Variants in SRRM4 observed in about 807,000 individuals in gnomAD.
SRRM4 encodes serine/arginine repetitive matrix 4, also known as serine/arginine repetitive matrix protein 4.
A neutral mutation model predicts 68.9 loss-of-function variants in SRRM4; 33 were observed. That is an observed-to-expected ratio of 0.48 (90% CI 0.36 to 0.64). The LOEUF is 0.64. SRRM4 is among the 30% of genes least tolerant of loss of function. SRRM4 has a pLI of 0.00. For missense variants in SRRM4, 817 were observed against 827.1 expected (o/e 0.99, Z 0.15); for synonymous variants, 318 against 318.8 (o/e 1.00, Z 0.03).
chr12:119,070,820 T>C (rs1953873581), intron 1 of SRRM4, among the ~76,000 whole-genome samples: 1 of 152,152 alleles, frequency 6.6e-6, no homozygotes, highest in African/African-American at 2.4e-5. Context: ...CCCTGACACC[T>C]GGAATGAAAA....
At chr12:119,140,793 A>G (rs1430104874) in intron 8 of SRRM4, among the ~76,000 whole-genome samples, 1 of 152,240 alleles carries the variant, frequency 6.6e-6, no homozygotes, top group Non-Finnish European at 1.5e-5. Context: ...GCTTTCTCCC[A>G]GGGTCCTCGG....
intron 1 of SRRM4, among the ~76,000 whole-genome samples, chr12:119,024,468 G>T (rs78675396): frequency 1.3e-5 from 2 of 152,172 alleles, no homozygotes; most frequent in African/African-American, 4.8e-5. Flanking sequence ...AAGCCCCCTC[G>T]GCTGGGCCCC....
intron 10 of SRRM4, 102 bp downstream of exon 10, chr12:119,151,322 T>C: frequency 1.8e-6 from 2 of 1,133,334 alleles, no homozygotes; most frequent in Non-Finnish European, 2.6e-6. Context: ...TCAGACGGAC[T>C]TAGGTTTGAA....
At position 119,150,928 on chromosome 12, in the gene SRRM4, A is replaced by G. The variant is rs902039376; in HGVS notation, c.1077-89A>G. 1.7e-4 allele frequency: 216 copies of G among 1,268,180 alleles called. 1 individual carries two copies. The highest frequency in any genetic ancestry group is 2.1e-4 in the Middle Eastern group (1 of 4,732). The allele number at this position is 1,268,180 out of a possible 1,614,324, so 78.6% of individuals were successfully genotyped here. A position where few individuals can be genotyped will look rare whatever the true frequency, so the allele number is the denominator to read the frequency against. ...GCAAAGAGGGTTCTATGAGAGCACC[A>G]CAGCCTAGGCCAAGGTAGGGAGGTA... On this transcript the variant is annotated intron_variant, in intron 9 of 12. Coordinates refer to ENST00000267260, the MANE Select transcript of SRRM4 (RefSeq NM_194286.4).
chr12:119,106,184 C>G (rs1205664802), intron 2 of SRRM4, among the ~76,000 whole-genome samples: 17 of 152,134 alleles, frequency 1.1e-4, no homozygotes, highest in Non-Finnish European at 2.2e-4. Context: ...GTTTTGGTAC[C>G]AGTACCATGC....
chr12:119,141,291 T>A (rs1954363894), intron 8 of SRRM4, among the ~76,000 whole-genome samples: 1 of 152,196 alleles, frequency 6.6e-6, no homozygotes, highest in Admixed American at 6.5e-5. Context: ...AAGATAAATG[T>A]TTAAGGTGAT....
At chr12:118,999,667 C>A (rs567649358) in intron 1 of SRRM4, among the ~76,000 whole-genome samples, 1 of 152,080 alleles carries the variant, frequency 6.6e-6, no homozygotes, top group African/African-American at 2.4e-5. Context: ...CTTATTAAAG[C>A]CTTATAATGC....
chr12:119,057,688 T>A (rs1487642687), intron 1 of SRRM4, among the ~76,000 whole-genome samples: 1 of 152,214 alleles, frequency 6.6e-6, no homozygotes, highest in Non-Finnish European at 1.5e-5. Flanking sequence ...CAGAATGATT[T>A]ATACTCCTTT....
At chr12:119,027,734 C>G (rs2136004591) in intron 1 of SRRM4, among the ~76,000 whole-genome samples, 1 of 152,248 alleles carries the variant, frequency 6.6e-6, no homozygotes, top group African/African-American at 2.4e-5. Flanking sequence ...CAACAAACAA[C>G]AGAGTATTTA....
chr12:119,119,433 A>G (rs1393591960), intron 4 of SRRM4, among the ~76,000 whole-genome samples: 3 of 151,540 alleles, frequency 2.0e-5, no homozygotes, highest in Non-Finnish European at 4.4e-5. Flanking sequence ...ATAAGCTCAG[A>G]GGCTCACCCA....
Position 119,154,754 on chromosome 12 carries a change from C to A in SRRM4, c.1532+371C>A, listed in dbSNP as rs2136070547. On this transcript the variant is annotated intron_variant, in intron 12 of 12. Coordinates refer to ENST00000267260, the MANE Select transcript of SRRM4 (RefSeq NM_194286.4). This position sits in a 1 kb window ranked among gnomAD's most constrained non-coding sequence, Gnocchi z 4.7. ...GGGAATGGAGGCCAAAGCAATGGAG[C>A]AGGACCTTGGCCTGGTGGTGGATCC... 6.6e-6 allele frequency among the ~76,000 whole-genome samples: 1 copy of A among 152,292 alleles called. No homozygotes were observed. The highest frequency in any genetic ancestry group is 1.5e-5 in the Non-Finnish European group (1 of 68,024).
chr12:119,055,462 T>C (rs1953770848), intron 1 of SRRM4, among the ~76,000 whole-genome samples: 1 of 152,218 alleles, frequency 6.6e-6, no homozygotes, highest in African/African-American at 2.4e-5. Flanking sequence ...AAGTGGCAAG[T>C]ACCACTCTCA....
chr12:119,123,421 T>C (rs1187019875), intron 6 of SRRM4, among the ~76,000 whole-genome samples: 5 of 152,022 alleles, frequency 3.3e-5, no homozygotes, highest in Non-Finnish European at 7.4e-5. Context: ...CCCAGCAATC[T>C]CGGTGTCACT....
At chr12:119,148,609 C>G (rs1400003481) in intron 9 of SRRM4, among the ~76,000 whole-genome samples, 1 of 152,202 alleles carries the variant, frequency 6.6e-6, no homozygotes, top group Non-Finnish European at 1.5e-5. Context: ...TATTTGTAAC[C>G]CTTTTTTACC....
At chr12:119,012,586 A>G (rs1396774125) in intron 1 of SRRM4, among the ~76,000 whole-genome samples, 1 of 152,002 alleles carries the variant, frequency 6.6e-6, no homozygotes, top group Non-Finnish European at 1.5e-5. Context: ...TTCTCAACTA[A>G]CAGACTCCCC....
At chr12:119,089,176 G>T (rs985268791) in intron 1 of SRRM4, among the ~76,000 whole-genome samples, 1 of 152,118 alleles carries the variant, frequency 6.6e-6, no homozygotes, top group South Asian at 2.1e-4. Flanking sequence ...CCATGTGGTC[G>T]GGAGGGTGCT....
At chr12:119,090,943 GC>G (rs747234764) in intron 1 of SRRM4, among the ~76,000 whole-genome samples, 2 of 152,224 alleles carry the variant, frequency 1.3e-5, no homozygotes, top group African/African-American at 2.4e-5. Context: ...TCCCACTGAA[GC>G]CCTTTATCTC....
At chr12:119,091,896 C>T (rs1954016488) in intron 1 of SRRM4, among the ~76,000 whole-genome samples, 1 of 152,194 alleles carries the variant, frequency 6.6e-6, no homozygotes, top group Non-Finnish European at 1.5e-5. Flanking sequence ...CCTGCTGCAT[C>T]CCTTCCTCTG....
Position 119,142,365 on chromosome 12 carries a change from G to A in SRRM4, c.772-3016G>A, listed in dbSNP as rs111533404. ...AGATTTCTCAGTTCTGACCACACAA[G>A]TTACATGTGGATAAGTCAGAGCCAG... On this transcript the variant is annotated intron_variant, in intron 8 of 12. Coordinates refer to ENST00000267260, the MANE Select transcript of SRRM4 (RefSeq NM_194286.4). Among the ~76,000 whole-genome samples, 1,090 of 152,324 alleles carry A rather than the reference G, an allele frequency of 7.2e-3. 10 individuals are homozygous for A. The highest frequency in any genetic ancestry group is 0.025 in the African/African-American group (1,027 of 41,564).
Sources: allele counts gnomAD v4.1 joint callset (sites outside exome capture counted in the v4.1 genomes callset), GRCh38; gene constraint gnomAD v4.1.1; non-coding constraint Gnocchi (gnomAD v3.1); transcripts MANE v1.5; gene names NCBI Gene and HGNC (gene_info 2026-07-23, HGNC 2026-07-21).